Variants in PPP4R3B observed in about 807,000 individuals in gnomAD.
PPP4R3B encodes protein phosphatase 4 regulatory subunit 3B, also known as serine/threonine-protein phosphatase 4 regulatory subunit 3B.
In PPP4R3B, 52 loss-of-function variants were observed where a neutral mutation model predicts 95.4. The observed-to-expected ratio is 0.54, with a 90% CI of 0.44 to 0.69. The LOEUF (loss-of-function observed/expected upper bound fraction) is 0.69, where lower values mean the gene tolerates loss of function less well. Ranked by LOEUF, PPP4R3B falls within the 30% of genes least tolerant of loss-of-function variation. The probability of loss-of-function intolerance (pLI) is 0.00; values close to 1 mark genes in which losing one functional copy is unlikely to be tolerated. For missense variants in PPP4R3B, 1,003 were observed against 1,005.9 expected, an observed-to-expected ratio of 1.00 and a Z score of 0.04; for synonymous variants, 407 against 343.9, an observed-to-expected ratio of 1.18 and a Z score of -2.03.
At chr2:55,595,762 T>A (rs1249476473) in intron 4 of PPP4R3B, among the ~76,000 whole-genome samples, 2 of 146,524 alleles carry the variant, frequency 1.4e-5, no homozygotes, top group African/African-American at 5.0e-5. Context: ...AAACACAGCC[T>A]CACACTGACA....
At chr2:55,605,716 G>A (rs1370319484) in intron 2 of PPP4R3B, among the ~76,000 whole-genome samples, 1 of 151,974 alleles carries the variant, frequency 6.6e-6, no homozygotes, top group Non-Finnish European at 1.5e-5. Context: ...GACCATCCTG[G>A]CCAACATGGT....
intron 6 of PPP4R3B, 79 bp downstream of exon 6, chr2:55,586,539 T>C (rs1690175454): frequency 2.7e-6 from 2 of 753,676 alleles, no homozygotes; most frequent in Non-Finnish European, 4.5e-6. Context: ...ATATACATTA[T>C]TATATATTTT....
chr2:55,612,276 C>A (rs148063859), intron 2 of PPP4R3B, among the ~76,000 whole-genome samples: 1 of 152,246 alleles, frequency 6.6e-6, no homozygotes, highest in African/African-American at 2.4e-5. Flanking sequence ...TACTGAACAA[C>A]AGACTTCATG....
In PPP4R3B at chr2:55,598,803, C is replaced by G. The variant is rs756115036; in HGVS notation, c.534G>C (p.Leu178=). 6.2e-7 allele frequency: 1 copy of G among 1,614,172 alleles called. No individual in the cohort carries two copies. Among genetic ancestry groups the G allele is most frequent in the Non-Finnish European group, 8.5e-7 (1 of 1,180,036 alleles). The change falls in exon 4 of 17, where the codon CTG becomes CTC. Residue 178 remains leucine, a synonymous_variant. Transcript: ENST00000616407. The stretch of plus-strand genomic sequence containing the variant: ...TTTCTAGGTTCTCGCAAGCTTGGAA[C>G]AGCTGCAATAGTTTTTTAATATAGC... ...NEGYIKKLLQ[L]FQACENLENT...
At chr2:55,595,077 T>C (rs1011864130) in intron 4 of PPP4R3B, among the ~76,000 whole-genome samples, 1 of 150,742 alleles carries the variant, frequency 6.6e-6, no homozygotes, top group Non-Finnish European at 1.5e-5. Context: ...CTGGCTGGAG[T>C]ACAGTGGCAC....
In PPP4R3B at chr2:55,598,983, T is replaced by C. The variant is rs139479559; in HGVS notation, c.354A>G (p.Glu118=). 2.5e-4 allele frequency: 410 copies of C among 1,613,970 alleles called. No individual in the cohort carries two copies. Among genetic ancestry groups the C allele is most frequent in the Non-Finnish European group, 2.5e-4 (300 of 1,180,012 alleles). ...CAGGCATTTCTTCAAATCGTTCTTC[T>C]TCAGATTCATCAATGAGGTCCTGTG... The part of the protein sequence containing the change: ...EVTQDLIDES[E]EERFEEMPET... Residue 118 remains glutamate, a synonymous_variant, in exon 4 of 17, where the codon GAA becomes GAG. Coordinates refer to ENST00000616407, the MANE Select transcript of PPP4R3B (RefSeq NM_001122964.3).
chr2:55,590,994 T>A (rs899048957), intron 4 of PPP4R3B, among the ~76,000 whole-genome samples: 9 of 152,214 alleles, frequency 5.9e-5, no homozygotes, highest in African/African-American at 2.2e-4. Context: ...TCAGAATGTG[T>A]CTGAGTCATT....
At chr2:55,565,925 T>C (rs558239355) in intron 13 of PPP4R3B, 5 of 152,362 alleles carry the variant, frequency 3.3e-5, no homozygotes, top group African/African-American at 1.2e-4. Context: ...GACTATATTA[T>C]ACACACAGAT....
At chr2:55,594,588 T>C (rs550616582) in intron 4 of PPP4R3B, among the ~76,000 whole-genome samples, 2 of 152,272 alleles carry the variant, frequency 1.3e-5, no homozygotes, top group South Asian at 4.1e-4. Flanking sequence ...GTATTTACGA[T>C]TTACTAGTAT....
chr2:55,564,757 G>C, intron 14 of PPP4R3B, 145 bp downstream of exon 14: 2 of 880,918 alleles, frequency 2.3e-6, no homozygotes, highest in Non-Finnish European at 3.4e-6. Flanking sequence ...ATGGGGTAGG[G>C]GGGACGCCTT....
intron 6 of PPP4R3B, among the ~76,000 whole-genome samples, chr2:55,585,826 C>A (rs1559002921): frequency 6.6e-6 from 1 of 152,168 alleles, no homozygotes; most frequent in Non-Finnish European, 1.5e-5. Context: ...AGGGGTCTAA[C>A]ATCCTTTTCA....
rs71414566 is a variant in PPP4R3B, at chr2:55,576,722, A to G, written c.1606+593T>C. Among the ~76,000 whole-genome samples the G allele has an allele frequency of 3.9e-5, 6 of 152,292 alleles. No individual in the cohort carries two copies. In the East Asian group the frequency reaches 9.6e-4, roughly 24 times the overall value. ...ATCTCAAAAAAAATAAAAAAGAAAAACAATGAACTACAGTGTTAAACAAAT... is the reference window on the plus strand; with the variant it reads ...ATCTCAAAAAAAATAAAAAAGAAAAGCAATGAACTACAGTGTTAAACAAAT... On this transcript the variant is annotated intron_variant, in intron 11 of 16. Coordinates refer to ENST00000616407, the MANE Select transcript of PPP4R3B (RefSeq NM_001122964.3).
At chr2:55,615,857 CAAAAAAAAAAA>C (rs58981030) in intron 1 of PPP4R3B, among the ~76,000 whole-genome samples, 6 of 39,056 alleles carry the variant, frequency 1.5e-4, no homozygotes, top group African/African-American at 1.1e-3. Context: ...ACTCTGTCTC[CAAAAAAAAAAA>C]AAAAAAAAAA....
chr2:55,590,587 C>T (rs1362479511), intron 4 of PPP4R3B, among the ~76,000 whole-genome samples: 1 of 152,080 alleles, frequency 6.6e-6, no homozygotes, highest in Admixed American at 6.5e-5. Flanking sequence ...TTAGAGATTT[C>T]ATCAAAATCT....
At position 55,613,449 on chromosome 2, in the gene PPP4R3B, AATTT is replaced by A. The variant is rs201102827; in HGVS notation, c.198+1998_198+2001del. On this transcript the variant is annotated intron_variant, in intron 2 of 16. Coordinates refer to ENST00000616407, the MANE Select transcript of PPP4R3B (RefSeq NM_001122964.3). Reference sequence around the variant, plus strand: ...TACAGAAAACATTTCCAAATGGTGTAATTTTTTTAAATAATGCATTTTTTCCAAT... The same window carrying A: ...TACAGAAAACATTTCCAAATGGTGTATTTTAAATAATGCATTTTTTCCAAT... Among the ~76,000 whole-genome samples the A allele has an allele frequency of 2.3e-4, 35 of 152,182 alleles. No individual in the cohort carries two copies. In the East Asian group the frequency reaches 6.2e-3, roughly 27 times the overall value.
chr2:55,564,868 T>G lies in PPP4R3B; in HGVS notation c.2075+34A>C, dbSNP rs147854697. ...CTACAAACAATTTTGGACACAGTTT[T>G]GTAGGCTATAAAAGCAGTATACTTA... On this transcript the variant is annotated intron_variant, in intron 14 of 16. Transcript: ENST00000616407. 2.1e-4 allele frequency: 327 copies of G among 1,591,084 alleles called. 2 individuals carry two copies. In the African/African-American group the frequency reaches 3.6e-3, roughly 18 times the overall value.
At chr2:55,582,617 A>T (rs975405282) in intron 7 of PPP4R3B, among the ~76,000 whole-genome samples, 1 of 152,228 alleles carries the variant, frequency 6.6e-6, no homozygotes, top group Admixed American at 6.5e-5. Context: ...CCAAGTGGTA[A>T]TCGTGACAAA....
chr2:55,584,893 G>A (rs1189286176), intron 7 of PPP4R3B, among the ~76,000 whole-genome samples, 158 bp downstream of exon 7: 3 of 151,884 alleles, frequency 2.0e-5, no homozygotes, highest in East Asian at 1.9e-4. Flanking sequence ...AAAATCAGTC[G>A]CCACATATTC....
At chr2:55,600,839 A>T (rs1277065514) in intron 3 of PPP4R3B, among the ~76,000 whole-genome samples, 1 of 152,120 alleles carries the variant, frequency 6.6e-6, no homozygotes. Context: ...AAAATGAGTA[A>T]TGTAACAAGG....
Sources: allele counts gnomAD v4.1 joint callset (sites outside exome capture counted in the v4.1 genomes callset), GRCh38; gene constraint gnomAD v4.1.1; transcripts MANE v1.5; gene names NCBI Gene and HGNC (gene_info 2026-07-23, HGNC 2026-07-21).